The following TMEFF2 variants were observed in gnomAD, a reference collection of about 807,000 sequenced individuals.
The protein encoded by TMEFF2 is tomoregulin-2.
TMEFF2 carries 28 observed loss-of-function variants against 53.8 expected under a neutral mutation model. The ratio of observed to expected loss-of-function variants is 0.52; its 90% confidence interval spans 0.39 to 0.71. The LOEUF is 0.71. TMEFF2 is among the 30% of genes least tolerant of loss of function. TMEFF2 has a pLI of 0.00. For synonymous variants in TMEFF2, 162 were observed against 166.3 expected, an observed-to-expected ratio of 0.97 and a Z score of 0.20; for missense variants, 353 against 455.2, an observed-to-expected ratio of 0.78 and a Z score of 2.04.
intron 4 of TMEFF2, among the ~76,000 whole-genome samples, chr2:192,133,720 C>T (rs1383338674): frequency 6.6e-6 from 1 of 152,224 alleles, no homozygotes; most frequent in Non-Finnish European, 1.5e-5. Flanking sequence ...TCTTCGCTTT[C>T]ACTTGGACTG....
chr2:191,958,584 A>G (rs1398018048), intron 7 of TMEFF2, among the ~76,000 whole-genome samples: 1 of 152,218 alleles, frequency 6.6e-6, no homozygotes, highest in Non-Finnish European at 1.5e-5. Flanking sequence ...GTATAAGGGA[A>G]AAATAAGAGC....
intron 4 of TMEFF2, among the ~76,000 whole-genome samples, chr2:192,095,501 A>G (rs1209451745): frequency 6.6e-6 from 1 of 152,302 alleles, no homozygotes; most frequent in East Asian, 1.9e-4. Context: ...AAATAAAATT[A>G]TACAGTTATG....
chr2:192,046,625 T>C (rs764098440), intron 5 of TMEFF2, among the ~76,000 whole-genome samples: 1 of 152,190 alleles, frequency 6.6e-6, no homozygotes, highest in Non-Finnish European at 1.5e-5. Context: ...TTTGTTTCTC[T>C]GAATAACCCT....
Position 192,194,220 on chromosome 2 carries a change from G to A in TMEFF2, c.172+133C>T. On this transcript the variant is annotated intron_variant, in intron 1 of 9. Coordinates refer to ENST00000272771, the MANE Select transcript of TMEFF2 (RefSeq NM_016192.4). This position sits in a 1 kb window ranked among gnomAD's most constrained non-coding sequence, Gnocchi z 4.2. ...GTTCCCCTTGTTTCTCTGGATAGAG[G>A]TGGGTGGTATTAGGGGTCTAGGGCA... 9.5e-7 allele frequency: 1 copy of A among 1,050,748 alleles called. No homozygotes were observed. Among genetic ancestry groups the A allele is most frequent in the Non-Finnish European group, 1.4e-6 (1 of 708,704 alleles). The allele number at this position is 1,050,748 out of a possible 1,614,324, so 65.1% of individuals were successfully genotyped here.
chr2:192,100,734 C>T (rs572858394), intron 4 of TMEFF2, among the ~76,000 whole-genome samples: 1 of 152,206 alleles, frequency 6.6e-6, no homozygotes, highest in African/African-American at 2.4e-5. Flanking sequence ...GATTTTTTAT[C>T]TGCATGTTGA....
intron 4 of TMEFF2, among the ~76,000 whole-genome samples, chr2:192,096,233 A>C (rs1049625521): frequency 6.6e-6 from 1 of 152,188 alleles, no homozygotes; most frequent in Admixed American, 6.6e-5. Context: ...GTTTCATTTC[A>C]AAGGACAGTT....
intron 5 of TMEFF2, among the ~76,000 whole-genome samples, chr2:192,022,687 C>G (rs1248211936): frequency 6.6e-6 from 1 of 152,104 alleles, no homozygotes; most frequent in African/African-American, 2.4e-5. Context: ...TTCACTAATT[C>G]ACTGATTTTG....
intron 4 of TMEFF2, among the ~76,000 whole-genome samples, chr2:192,158,122 C>T (rs994210585): frequency 2.6e-5 from 4 of 151,990 alleles, no homozygotes; most frequent in Non-Finnish European, 5.9e-5. Context: ...AGGGGCAATA[C>T]CATCTTCATA....
At chr2:191,970,449 A>C (rs1692603611) in intron 7 of TMEFF2, among the ~76,000 whole-genome samples, 1 of 151,844 alleles carries the variant, frequency 6.6e-6, no homozygotes, top group Non-Finnish European at 1.5e-5. Flanking sequence ...GGGCAAGGGA[A>C]GACGCACAAG....
chr2:192,121,521 G>C (rs1689553797), intron 4 of TMEFF2, among the ~76,000 whole-genome samples: 1 of 152,148 alleles, frequency 6.6e-6, no homozygotes, highest in African/African-American at 2.4e-5. Context: ...TTTGGAACTA[G>C]GGCTTCAGCT....
At chr2:192,172,826 T>C (rs1462015935) in intron 4 of TMEFF2, among the ~76,000 whole-genome samples, 1 of 151,900 alleles carries the variant, frequency 6.6e-6, no homozygotes, top group Non-Finnish European at 1.5e-5. Flanking sequence ...CCATAGAAGA[T>C]GATGTCTGGT....
intron 7 of TMEFF2, among the ~76,000 whole-genome samples, chr2:191,965,198 C>T (rs1177939617): frequency 2.6e-5 from 4 of 152,076 alleles, no homozygotes; most frequent in Admixed American, 6.5e-5. Flanking sequence ...ATCAACATTC[C>T]TAGGGTCTCC....
chr2:192,004,886 A>G (rs538831577), intron 5 of TMEFF2, among the ~76,000 whole-genome samples: 1 of 152,324 alleles, frequency 6.6e-6, no homozygotes, highest in East Asian at 1.9e-4. Context: ...TGTGAGCCAA[A>G]GATTTGTAAG....
intron 5 of TMEFF2, among the ~76,000 whole-genome samples, chr2:192,048,969 T>A (rs907532603): frequency 3.3e-5 from 5 of 152,158 alleles, no homozygotes; most frequent in Non-Finnish European, 1.5e-5. Flanking sequence ...AACTACACAG[T>A]CTTGAAGGGG....
chr2:192,173,319 T>C (rs1477000649), intron 4 of TMEFF2, among the ~76,000 whole-genome samples: 1 of 151,880 alleles, frequency 6.6e-6, no homozygotes, highest in Non-Finnish European at 1.5e-5. Flanking sequence ...ATAATAGTGC[T>C]TTCTATAAAC....
chr2:192,185,861 T>G lies in TMEFF2; in HGVS notation c.283-1378A>C, dbSNP rs1691298997. Among the ~76,000 whole-genome samples, 3 of 152,102 alleles carry G rather than the reference T, an allele frequency of 2.0e-5. No homozygotes were observed. The South Asian group carries it at 6.2e-4, about 31-fold the overall frequency. ...GAAATGAAAGCCTAATTCTATAAGT[T>G]TTACTTTTTCATATATTATTAACAA... On this transcript the variant is annotated intron_variant, in intron 2 of 9. Coordinates refer to ENST00000272771, the MANE Select transcript of TMEFF2 (RefSeq NM_016192.4).
rs1322275031 is a variant in TMEFF2 at position 191,949,073 on chromosome 2, T to G, written c.*1238A>C. The G allele has an allele frequency of 3.2e-5, 32 of 985,072 alleles. No homozygotes were observed. In the South Asian group the frequency reaches 1.3e-3, roughly 39 times the overall value. The allele number at this position is 985,072 out of a possible 1,614,324, so 61.0% of individuals were successfully genotyped here. A position where few individuals can be genotyped will look rare whatever the true frequency, so the allele number is the denominator to read the frequency against. On this transcript the variant is annotated 3_prime_UTR_variant, in exon 10 of 10. Transcript: ENST00000272771. ...TGAAGGAGACAAAGAGAGCTTTATT[T>G]AAATTTACTGTGTTAGCCATGGAAA...
intron 4 of TMEFF2, among the ~76,000 whole-genome samples, chr2:192,067,306 T>C (rs575108250): frequency 1.3e-5 from 2 of 151,900 alleles, no homozygotes; most frequent in East Asian, 3.9e-4. Flanking sequence ...TGGTTGGTCT[T>C]AGAGGCAGGA....
rs1187256809 is a variant in TMEFF2, at chr2:191,992,255, G to A, written c.745+6007C>T. 2.0e-5 allele frequency among the ~76,000 whole-genome samples: 3 copies of A among 152,024 alleles called. No homozygotes were observed. In the East Asian group the frequency reaches 5.8e-4, roughly 29 times the overall value. ...TTTATTTCCTACAGATCAAATTATT[G>A]GCCCAGACAAAACGTGGTTTCTGGT... On this transcript the variant is annotated intron_variant, in intron 7 of 9. Coordinates refer to ENST00000272771, the MANE Select transcript of TMEFF2 (RefSeq NM_016192.4).
Sources: allele counts gnomAD v4.1 joint callset (sites outside exome capture counted in the v4.1 genomes callset), GRCh38; gene constraint gnomAD v4.1.1; non-coding constraint Gnocchi (gnomAD v3.1); transcripts MANE v1.5; gene names NCBI Gene and HGNC (gene_info 2026-07-23, HGNC 2026-07-21).